The following ERC2 variants were observed in gnomAD, a reference collection of about 807,000 sequenced individuals.
ERC2 encodes the protein ERC protein 2.
Under a neutral mutation model 114.8 loss-of-function variants are expected in ERC2, and 42 were observed. The ratio of observed to expected loss-of-function variants is 0.37; its 90% CI spans 0.29 to 0.47. ERC2 has a LOEUF of 0.47. ERC2 is among the 20% of genes least tolerant of loss of function. ERC2 has a pLI of 0.99. For synonymous variants in ERC2, 454 were observed against 425.5 expected (o/e 1.07, Z -0.82); for missense variants, 939 against 1,150.7 (o/e 0.82, Z 2.66).
At chr3:56,201,157 C>CCATCTCCCT (rs905055585) in intron 3 of ERC2, among the ~76,000 whole-genome samples, 4 of 152,106 alleles carry the variant, frequency 2.6e-5, no homozygotes, top group African/African-American at 9.7e-5. Context: ...ATCTTCACTA[C>CCATCTCCCT]CATCTCCCTA....
intron 17 of ERC2, among the ~76,000 whole-genome samples, chr3:55,550,125 C>T (rs6775447): frequency 0.17 from 25,568 of 152,094 alleles, 2,708 homozygotes; most frequent in Middle Eastern, 0.27. Flanking sequence ...TGCTCCCTCC[C>T]TCTCTGCTGA....
At chr3:55,676,052 C>CTGGGAATACAGGCA (rs1438498087) in intron 17 of ERC2, among the ~76,000 whole-genome samples, 1 of 151,526 alleles carries the variant, frequency 6.6e-6, no homozygotes, top group African/African-American at 2.4e-5. Flanking sequence ...TCCCAGGTAG[C>CTGGGAATACAGGCA]TGGGAATACA....
At chr3:55,554,578 A>T (rs2055463607) in intron 17 of ERC2, among the ~76,000 whole-genome samples, 1 of 152,236 alleles carries the variant, frequency 6.6e-6, no homozygotes, top group African/African-American at 2.4e-5. Context: ...GGATGGTCTC[A>T]GGCTGCTGTG....
At chr3:56,234,545 C>T (rs960356040) in intron 3 of ERC2, among the ~76,000 whole-genome samples, 5 of 152,188 alleles carry the variant, frequency 3.3e-5, no homozygotes, top group African/African-American at 1.2e-4. Flanking sequence ...CCTGGAATTT[C>T]TGGGACATTC....
intron 7 of ERC2, among the ~76,000 whole-genome samples, chr3:56,031,704 T>TA (rs1233621169): frequency 6.6e-6 from 1 of 152,136 alleles, no homozygotes; most frequent in Non-Finnish European, 1.5e-5. Context: ...CAATCATCTT[T>TA]AAAAACCTCA....
chr3:56,420,177 C>CTTT lies in ERC2; in HGVS notation c.657+14171_657+14173dup, dbSNP rs34883402. Among the ~76,000 whole-genome samples the CTTT allele has an allele frequency of 4.7e-3, 343 of 72,272 alleles. 4 individuals carry two copies. Among genetic ancestry groups the CTTT allele is most frequent in the Non-Finnish European group, 5.5e-3 (220 of 40,366 alleles). 47.4% of individuals were successfully genotyped at this position (72,272 alleles called of 152,430 possible). A position where few individuals can be genotyped will look rare whatever the true frequency, so the allele number is the denominator to read the frequency against. The stretch of plus-strand genomic sequence containing the variant: ...CGTTTTTAGAACTTAAGTGGTTATA[C>CTTT]TTTTTTTTTTTTTTTTTTTTTTTTG... On this transcript the variant is annotated intron_variant, in intron 2 of 17. Transcript: ENST00000288221.
At chr3:56,097,820 C>G (rs1482156021) in intron 6 of ERC2, among the ~76,000 whole-genome samples, 1 of 152,178 alleles carries the variant, frequency 6.6e-6, no homozygotes, top group Non-Finnish European at 1.5e-5. Flanking sequence ...TTCTGAGCAG[C>G]CTGATATCCT....
intron 7 of ERC2, among the ~76,000 whole-genome samples, chr3:56,056,705 G>C (rs1474273795): frequency 6.6e-6 from 1 of 152,130 alleles, no homozygotes; most frequent in Non-Finnish European, 1.5e-5. Context: ...GAGATGATGT[G>C]ACAAGTGCTC....
intron 8 of ERC2, among the ~76,000 whole-genome samples, chr3:56,013,472 T>G (rs1445756105): frequency 6.6e-6 from 1 of 152,178 alleles, no homozygotes; most frequent in Non-Finnish European, 1.5e-5. Flanking sequence ...AGTCTTATTC[T>G]ATCACCTGTG....
intron 2 of ERC2, among the ~76,000 whole-genome samples, chr3:56,330,959 G>A (rs2057583907): frequency 6.6e-6 from 1 of 152,102 alleles, no homozygotes; most frequent in Admixed American, 6.6e-5. Flanking sequence ...GATCACAGAG[G>A]CAAAATAACT....
intron 5 of ERC2, among the ~76,000 whole-genome samples, chr3:56,146,520 T>C (rs1387267728): frequency 6.6e-6 from 1 of 152,226 alleles, no homozygotes; most frequent in Non-Finnish European, 1.5e-5. Flanking sequence ...TCCATTTTTC[T>C]CATTAGTCAA....
chr3:56,315,182 CACCTT>C (rs772257763), intron 2 of ERC2, among the ~76,000 whole-genome samples: 1 of 152,198 alleles, frequency 6.6e-6, no homozygotes, highest in Non-Finnish European at 1.5e-5. Context: ...TACTAAAGAA[CACCTT>C]TAAGGATTTT....
At chr3:55,583,449 C>T (rs866391323) in intron 17 of ERC2, among the ~76,000 whole-genome samples, 15 of 68,506 alleles carry the variant, frequency 2.2e-4, no homozygotes, top group South Asian at 7.0e-4. Flanking sequence ...CTTCCTCCCT[C>T]CCTCCTTCCC....
intron 7 of ERC2, among the ~76,000 whole-genome samples, chr3:56,022,137 T>G (rs1388285041): frequency 1.3e-5 from 2 of 152,206 alleles, no homozygotes. Context: ...TGCAAGTATT[T>G]AAAATCCTGT....
At chr3:56,261,351 T>C (rs1364478318) in intron 3 of ERC2, among the ~76,000 whole-genome samples, 1 of 151,142 alleles carries the variant, frequency 6.6e-6, no homozygotes, top group Non-Finnish European at 1.5e-5. Flanking sequence ...TACACTATCT[T>C]ATAAACGGCT....
intron 14 of ERC2, among the ~76,000 whole-genome samples, chr3:55,828,511 C>A (rs1348946215): frequency 1.1e-5 from 1 of 91,988 alleles, no homozygotes; most frequent in African/African-American, 7.3e-5. Flanking sequence ...GGCAGTTAAA[C>A]CCCCAAGAAA....
intron 17 of ERC2, among the ~76,000 whole-genome samples, chr3:55,542,579 A>G (rs2054469867): frequency 6.6e-6 from 1 of 152,176 alleles, no homozygotes; most frequent in African/African-American, 2.4e-5. Context: ...ACTTCCCCCA[A>G]AACTTACTCT....
chr3:55,837,828 C>T (rs62255817), intron 14 of ERC2, among the ~76,000 whole-genome samples: 27,243 of 151,550 alleles, frequency 0.18, 3,594 homozygotes, highest in African/African-American at 0.37. Context: ...GAGAAACCCA[C>T]TTCAAATATA....
At chr3:56,002,178 G>A (rs1362070093) in intron 10 of ERC2, among the ~76,000 whole-genome samples, 2 of 152,152 alleles carry the variant, frequency 1.3e-5, no homozygotes, top group Non-Finnish European at 2.9e-5. Context: ...ACATCTTGCA[G>A]ATCAAGCTGT....
Sources: gnomAD v4.1 joint callset for allele counts (sites outside exome capture counted in the v4.1 genomes callset) on GRCh38, gnomAD v4.1.1 for gene constraint, MANE v1.5 for transcripts, NCBI Gene and HGNC (gene_info 2026-07-23, HGNC 2026-07-21) for gene names.